Variants in ZNF469 observed in about 807,000 individuals in gnomAD.
ZNF469 encodes zinc finger protein 469.
Under a neutral mutation model 1.0 loss-of-function variants are expected in ZNF469, and 1 was observed. That is an observed-to-expected ratio of 1.00 (90% CI 0.35 to 4.73). ZNF469 has a LOEUF of 4.73. ZNF469 is among the 30% of genes most tolerant of loss of function. ZNF469 has a pLI of 0.16. For missense variants in ZNF469, 6,100 were observed against 5,356.3 expected (o/e 1.14, Z -4.33); for synonymous variants, 2,703 against 2,363.4 (o/e 1.14, Z -4.17).
At chr16:88,341,055 G>A in the ZNF469 span, among the ~76,000 whole-genome samples, 7 of 152,310 alleles carry the variant, frequency 4.6e-5, no homozygotes, top group African/African-American at 9.6e-5. Context: ...TGAGCACCTC[G>A]TCTTCCCCCA....
chr16:88,248,935 G>T, the ZNF469 span, among the ~76,000 whole-genome samples: 81 of 151,544 alleles, frequency 5.3e-4, no homozygotes, highest in Admixed American at 6.6e-4. Context: ...TTCCCTCCCC[G>T]CTGTGTCCCT....
At chr16:88,144,652 G>C in the ZNF469 span, among the ~76,000 whole-genome samples, 1 of 152,210 alleles carries the variant, frequency 6.6e-6, no homozygotes, top group Non-Finnish European at 1.5e-5. Context: ...TGTTCTCTCT[G>C]TCATCACCCG....
At chr16:88,232,305 A>T in the ZNF469 span, among the ~76,000 whole-genome samples, 2 of 152,186 alleles carry the variant, frequency 1.3e-5, no homozygotes, top group Non-Finnish European at 2.9e-5. Flanking sequence ...GATGTTTAGA[A>T]CACAGATTTT....
the ZNF469 span, among the ~76,000 whole-genome samples, chr16:88,377,292 G>A: frequency 1.3e-5 from 2 of 152,236 alleles, no homozygotes; most frequent in Non-Finnish European, 2.9e-5. Context: ...ACAGAGGGTG[G>A]GCAAGGTGGA....
chr16:88,148,417 C>T, the ZNF469 span, among the ~76,000 whole-genome samples: 29 of 152,286 alleles, frequency 1.9e-4, 1 homozygote, highest in South Asian at 5.4e-3. Context: ...GGCCCTGGCG[C>T]GGTGCCTCCC....
At chr16:88,114,579 G>A in the ZNF469 span, among the ~76,000 whole-genome samples, 46 of 152,356 alleles carry the variant, frequency 3.0e-4, no homozygotes, top group Middle Eastern at 0.014. Flanking sequence ...CAGGCCATGA[G>A]CTGGGGTAGA....
chr16:88,146,812 C>T, the ZNF469 span, among the ~76,000 whole-genome samples: 6 of 152,048 alleles, frequency 3.9e-5, no homozygotes, highest in African/African-American at 1.5e-4. Flanking sequence ...ACGGGGCTTC[C>T]AGGATGGAAG....
the ZNF469 span, among the ~76,000 whole-genome samples, chr16:88,349,021 A>G: frequency 2.0e-5 from 3 of 152,202 alleles, 1 homozygote; most frequent in Middle Eastern, 6.3e-3. Context: ...GCAGGCCCCA[A>G]GCCGACTGCG....
At chr16:88,105,423 G>T in the ZNF469 span, among the ~76,000 whole-genome samples, 11 of 151,130 alleles carry the variant, frequency 7.3e-5, no homozygotes, top group South Asian at 1.7e-3. Context: ...TCCTGTCTCA[G>T]TCTCCCAGGT....
At chr16:88,328,108 T>C in the ZNF469 span, among the ~76,000 whole-genome samples, 3 of 151,988 alleles carry the variant, frequency 2.0e-5, no homozygotes, top group Admixed American at 2.0e-4. Flanking sequence ...TGGGATGAGG[T>C]CGAGGAATCC....
the ZNF469 span, among the ~76,000 whole-genome samples, chr16:88,247,067 GTGAC>G: frequency 6.5e-3 from 979 of 151,028 alleles, 12 homozygotes; most frequent in African/African-American, 0.019. Context: ...GATTGAGTGA[GTGAC>G]TGAGTGAGTG....
the ZNF469 span, among the ~76,000 whole-genome samples, chr16:88,283,372 G>C: frequency 6.6e-6 from 1 of 152,014 alleles, no homozygotes; most frequent in African/African-American, 2.4e-5. Flanking sequence ...TTGGGGAGGT[G>C]TGTGGACACC....
intron 1 of ZNF469, among the ~76,000 whole-genome samples, chr16:88,420,213 G>A (rs574915516): frequency 5.9e-5 from 9 of 152,256 alleles, no homozygotes; most frequent in African/African-American, 1.9e-4. Flanking sequence ...AGGGGCTGAG[G>A]AGAAAGGGAG....
chr16:88,400,760 C>G (rs966312625), intron 1 of ZNF469, among the ~76,000 whole-genome samples: 1 of 152,146 alleles, frequency 6.6e-6, no homozygotes, highest in African/African-American at 2.4e-5. Flanking sequence ...AACAGTCTAT[C>G]TCTGGGCAGG....
chr16:88,138,911 G>A, the ZNF469 span, among the ~76,000 whole-genome samples: 601 of 152,344 alleles, frequency 3.9e-3, 2 homozygotes, highest in Admixed American at 7.0e-3. Context: ...ACAGCTATTC[G>A]GCTATTCACC....
the ZNF469 span, among the ~76,000 whole-genome samples, chr16:88,307,554 G>A: frequency 1.3e-5 from 2 of 152,198 alleles, no homozygotes; most frequent in African/African-American, 4.8e-5. Context: ...GTGTGAAGTG[G>A]CATCTCATTG....
chr16:88,178,822 C>G, the ZNF469 span: 6 of 146,924 alleles, frequency 4.1e-5, no homozygotes, highest in African/African-American at 1.2e-4. Context: ...CTGCAGTCTC[C>G]TCTTGGCCAA....
chr16:88,375,178 A>G, the ZNF469 span, among the ~76,000 whole-genome samples: 8 of 152,250 alleles, frequency 5.3e-5, no homozygotes, highest in African/African-American at 1.9e-4. Context: ...CTTGTGAAGG[A>G]GAAAACAAGT....
chr16:88,341,647 C>G, the ZNF469 span, among the ~76,000 whole-genome samples: 1 of 152,226 alleles, frequency 6.6e-6, no homozygotes, highest in Non-Finnish European at 1.5e-5. Flanking sequence ...GCCCTGCACA[C>G]CTGCAGGTGG....
Sources: gnomAD v4.1 joint callset for allele counts (sites outside exome capture counted in the v4.1 genomes callset) on GRCh38, gnomAD v4.1.1 for gene constraint, MANE v1.5 for transcripts, NCBI Gene and HGNC (gene_info 2026-07-23, HGNC 2026-07-21) for gene names.